The following ENTHD1 variants were observed in gnomAD, a reference collection of about 807,000 sequenced individuals.
The protein encoded by ENTHD1 is ENTH domain-containing protein 1.
ENTHD1 carries 23 observed loss-of-function variants against 39.1 expected under a neutral mutation model. That is an observed-to-expected ratio of 0.59 (90% confidence interval 0.42 to 0.83). The LOEUF is 0.83. Among genes scored for constraint, ENTHD1 ranks in the 40% least tolerant of loss-of-function variants. The probability of loss-of-function intolerance (pLI) is 0.00; values close to 1 mark genes in which losing one functional copy is unlikely to be tolerated. For synonymous variants in ENTHD1, 230 were observed against 258.2 expected (o/e 0.89, Z 1.05); for missense variants, 624 against 705.4 (o/e 0.88, Z 1.31).
chr22:39,875,625 G>A, intron 2 of ENTHD1: 2 of 1,612,110 alleles, frequency 1.2e-6, no homozygotes, highest in Non-Finnish European at 8.5e-7. Flanking sequence ...GCTAGGAAAG[G>A]TTTCTCCTAT....
chr22:39,830,579 A>G (rs1283179425), intron 4 of ENTHD1, among the ~76,000 whole-genome samples: 3 of 152,220 alleles, frequency 2.0e-5, no homozygotes, highest in Non-Finnish European at 4.4e-5. Context: ...AGGGAACACT[A>G]AGAAAAGCAC....
At chr22:39,816,220 A>ATCATAACAT (rs2065732680) in intron 5 of ENTHD1, among the ~76,000 whole-genome samples, 1 of 152,226 alleles carries the variant, frequency 6.6e-6, no homozygotes, top group South Asian at 2.1e-4. Flanking sequence ...CATGGAAATT[A>ATCATAACAT]GAACCATCTG....
At chr22:39,811,656 C>T (rs533362107) in intron 5 of ENTHD1, among the ~76,000 whole-genome samples, 7 of 152,270 alleles carry the variant, frequency 4.6e-5, no homozygotes, top group Admixed American at 2.6e-4. Flanking sequence ...ACTGGATGTA[C>T]GCAGTAGCAT....
rs1322267051 is a variant in ENTHD1, at chr22:39,867,068, A to AATTTTTTTGC, written c.350-5071_350-5062dup. On this transcript the variant is annotated intron_variant, in intron 2 of 6. Transcript: ENST00000325157. The surrounding 1 kb of genome is among the most constrained non-coding windows in gnomAD (Gnocchi z 4.5). ...CAGGCGCCCGCCACCAGGCCCGGCT[A>AATTTTTTTGC]ATTTTTTTGCATTTTTAGTAGAGAC... 2.0e-5 allele frequency among the ~76,000 whole-genome samples: 3 copies of AATTTTTTTGC among 152,024 alleles called. No homozygotes were observed. The East Asian group carries it at 5.8e-4, about 29-fold the overall frequency.
chr22:39,857,023 A>G (rs1176236497), intron 3 of ENTHD1, among the ~76,000 whole-genome samples: 1 of 152,224 alleles, frequency 6.6e-6, no homozygotes, highest in Admixed American at 6.5e-5. Context: ...ATTAAAAAAT[A>G]ATAAATTGTA....
Position 39,861,965 on chromosome 22 carries a change from A to G in ENTHD1, c.392T>C (p.Leu131Pro), listed in dbSNP as rs199666963. 4.9e-5 allele frequency: 76 copies of G among 1,555,180 alleles called. No homozygotes were observed. Among genetic ancestry groups the G allele is most frequent in the Non-Finnish European group, 7.9e-6 (9 of 1,141,516 alleles). ...REKSKQVITL[L>P]MDEPLLCKER... ...TTTACACAGCAATGGTTCATCCATC[A>G]GCAATGTGATGACTTGCTTAGATTT... is the stretch of plus-strand genomic sequence containing the variant. Residue 131 changes from leucine (L) to proline (P), a missense_variant, in exon 3 of 7, where the codon CTG becomes CCG. Physicochemically the swap from Leu to Pro is moderately conservative, Grantham distance 98. Coordinates refer to ENST00000325157, the MANE Select transcript of ENTHD1 (RefSeq NM_152512.4).
At chr22:39,783,013 C>G (rs2065422439) in intron 5 of ENTHD1, among the ~76,000 whole-genome samples, 1 of 152,228 alleles carries the variant, frequency 6.6e-6, no homozygotes, top group East Asian at 1.9e-4. Flanking sequence ...ATGACATGCT[C>G]TTATACTTAG....
At chr22:39,850,444 T>C (rs1045243357) in intron 3 of ENTHD1, among the ~76,000 whole-genome samples, 2 of 152,232 alleles carry the variant, frequency 1.3e-5, no homozygotes, top group Non-Finnish European at 2.9e-5. Context: ...TGTGAATTTA[T>C]GCTTGCAGCA....
chr22:39,782,009 G>A (rs1036992541), intron 5 of ENTHD1, among the ~76,000 whole-genome samples: 2 of 151,960 alleles, frequency 1.3e-5, no homozygotes, highest in East Asian at 1.9e-4. Context: ...AAGATTGGCC[G>A]GGCATGGTGG....
intron 6 of ENTHD1, among the ~76,000 whole-genome samples, chr22:39,744,711 G>A (rs2065089890): frequency 6.6e-6 from 1 of 151,986 alleles, no homozygotes; most frequent in Admixed American, 6.6e-5. Context: ...TTCCTGTAGA[G>A]ATTATTATGG....
In ENTHD1 at chr22:39,835,964, A is replaced by G; in HGVS notation, c.593-6T>C. The G allele has an allele frequency of 6.3e-7, 1 of 1,593,594 alleles. No homozygotes were observed. The highest frequency in any genetic ancestry group is 8.6e-7 in the Non-Finnish European group (1 of 1,167,906). On this transcript the variant is annotated splice_region_variant and splice_polypyrimidine_tract_variant and intron_variant, in intron 3 of 6. Coordinates refer to ENST00000325157, the MANE Select transcript of ENTHD1 (RefSeq NM_152512.4). ...TCCTGCCTTGCACACATTTCCTGTC[A>G]ACAATATAAAGCTTAAGATTTTACT...
chr22:39,774,578 C>T (rs77145759), intron 5 of ENTHD1, among the ~76,000 whole-genome samples: 2 of 152,156 alleles, frequency 1.3e-5, no homozygotes, highest in Admixed American at 6.5e-5. Flanking sequence ...AGCTTACCCC[C>T]TCAGTCCACT....
intron 4 of ENTHD1, among the ~76,000 whole-genome samples, chr22:39,827,956 A>C (rs1324601985): frequency 1.3e-5 from 2 of 152,260 alleles, no homozygotes; most frequent in Non-Finnish European, 2.9e-5. Context: ...ATATAGATAA[A>C]GAATACAGCA....
chr22:39,850,090 T>A (rs978323267), intron 3 of ENTHD1, among the ~76,000 whole-genome samples: 1 of 152,148 alleles, frequency 6.6e-6, no homozygotes, highest in African/African-American at 2.4e-5. Flanking sequence ...TGTAAAGACT[T>A]CCTTTATAAC....
chr22:39,749,764 G>A (rs2065134340), intron 6 of ENTHD1, among the ~76,000 whole-genome samples: 1 of 152,204 alleles, frequency 6.6e-6, no homozygotes, highest in Non-Finnish European at 1.5e-5. Context: ...CCTGTCCTCG[G>A]GACCGGTGAT....
At chr22:39,883,223 T>C (rs536568014) in intron 2 of ENTHD1, among the ~76,000 whole-genome samples, 1 of 152,132 alleles carries the variant, frequency 6.6e-6, no homozygotes, top group Non-Finnish European at 1.5e-5. Context: ...TTTTTCTTGC[T>C]CTCTTGGTGG....
Position 39,820,978 on chromosome 22 carries a change from C to G in ENTHD1, c.832+15G>C. 6.2e-7 allele frequency: 1 copy of G among 1,613,510 alleles called. No homozygotes were observed. The highest frequency in any genetic ancestry group is 8.5e-7 in the Non-Finnish European group (1 of 1,179,726). On this transcript the variant is annotated intron_variant, in intron 5 of 6. Coordinates refer to ENST00000325157, the MANE Select transcript of ENTHD1 (RefSeq NM_152512.4). ...AAATCTGATAAGTAAACTTCCTATT[C>G]CTTAACCAATTTACCTGCACCCGAA...
At chr22:39,749,011 C>T (rs940571356) in intron 6 of ENTHD1, among the ~76,000 whole-genome samples, 1 of 152,178 alleles carries the variant, frequency 6.6e-6, no homozygotes, top group African/African-American at 2.4e-5. Context: ...TTTCTTTTGC[C>T]TTATGACTAC....
intron 4 of ENTHD1, among the ~76,000 whole-genome samples, chr22:39,826,663 G>A (rs2065828970): frequency 6.6e-6 from 1 of 152,044 alleles, no homozygotes; most frequent in Non-Finnish European, 1.5e-5. Flanking sequence ...ATGTAAACTG[G>A]ACTTTGGGTG....
Sources: gnomAD v4.1 joint callset for allele counts (sites outside exome capture counted in the v4.1 genomes callset) on GRCh38, gnomAD v4.1.1 for gene constraint, Gnocchi (gnomAD v3.1) non-coding constraint, MANE v1.5 for transcripts, NCBI Gene and HGNC (gene_info 2026-07-23, HGNC 2026-07-21) for gene names.